ZMYM4: variants seen among roughly 807,000 people sequenced by gnomAD.
The protein encoded by ZMYM4 is zinc finger MYM-type protein 4.
In ZMYM4, 31 loss-of-function variants were observed where a neutral mutation model predicts 183.2. The ratio of observed to expected loss-of-function variants is 0.17; its 90% CI spans 0.13 to 0.23. The LOEUF (loss-of-function observed/expected upper bound fraction) is 0.23, where lower values mean the gene tolerates loss of function less well. Among genes scored for constraint, ZMYM4 ranks in the 10% least tolerant of loss-of-function variants. ZMYM4 has a pLI of 1.00. For missense variants in ZMYM4, 1,273 were observed against 1,840.3 expected (o/e 0.69, Z 5.64); for synonymous variants, 592 against 631.2 (o/e 0.94, Z 0.93).
At chr1:35,383,552 A>G (rs1251948189) in intron 9 of ZMYM4, among the ~76,000 whole-genome samples, 1 of 152,030 alleles carries the variant, frequency 6.6e-6, no homozygotes, top group Non-Finnish European at 1.5e-5. Flanking sequence ...TTTTGTTCTC[A>G]AAGAAAAAAA....
intron 1 of ZMYM4, among the ~76,000 whole-genome samples, chr1:35,313,699 T>G (rs1641910419): frequency 6.6e-6 from 1 of 152,166 alleles, no homozygotes; most frequent in South Asian, 2.1e-4. Context: ...TCTGTCACTT[T>G]TATTTGCAGT....
intron 1 of ZMYM4, among the ~76,000 whole-genome samples, chr1:35,277,057 C>T (rs926292716): frequency 2.6e-5 from 4 of 152,104 alleles, no homozygotes; most frequent in Non-Finnish European, 5.9e-5. Context: ...GTTCCTTTAC[C>T]CCTCATATTT....
At position 35,393,931 on chromosome 1, in the gene ZMYM4, A is replaced by G. The variant is rs545189234; in HGVS notation, c.2911+192A>G. Among the ~76,000 whole-genome samples, 177 of 152,312 alleles carry G rather than the reference A, an allele frequency of 1.2e-3. 1 individual carries two copies. The highest frequency in any genetic ancestry group is 4.1e-3 in the African/African-American group (171 of 41,564). ...TGAGGCTTAACAAGTTGGGTCAAAG[A>G]GAAGGAAGTTAATCAGTGATACCAT... is the stretch of plus-strand genomic sequence containing the variant. On this transcript the variant is annotated intron_variant, in intron 18 of 29. Coordinates refer to ENST00000314607, the MANE Select transcript of ZMYM4 (RefSeq NM_005095.3).
At chr1:35,314,408 C>T (rs1471577668) in intron 1 of ZMYM4, among the ~76,000 whole-genome samples, 1 of 151,878 alleles carries the variant, frequency 6.6e-6, no homozygotes, top group Non-Finnish European at 1.5e-5. Context: ...CCTCAGCCTC[C>T]TGAGTAGCTG....
chr1:35,298,680 G>A (rs576170514), intron 1 of ZMYM4, among the ~76,000 whole-genome samples: 1 of 152,276 alleles, frequency 6.6e-6, no homozygotes, highest in East Asian at 1.9e-4. Context: ...AGAGAACAGT[G>A]TTAACAGGAA....
chr1:35,370,711 T>C (rs1644186065), intron 7 of ZMYM4, 84 bp downstream of exon 7: 4 of 1,178,780 alleles, frequency 3.4e-6, no homozygotes, highest in Middle Eastern at 2.2e-4. Flanking sequence ...TTACATTTGA[T>C]ATTCTACATT....
intron 1 of ZMYM4, chr1:35,309,104 A>G (rs954029549): frequency 1.1e-5 from 10 of 896,574 alleles, no homozygotes; most frequent in Non-Finnish European, 1.3e-5. Context: ...TCCTGACTAA[A>G]TATGGATGCC....
intron 3 of ZMYM4, among the ~76,000 whole-genome samples, chr1:35,360,026 A>G (rs74824454): frequency 0.014 from 2,054 of 151,780 alleles, 50 homozygotes; most frequent in African/African-American, 0.047. Context: ...TATATCACAT[A>G]TTTCCTTCTA....
chr1:35,324,869 C>G (rs970702470), intron 1 of ZMYM4, among the ~76,000 whole-genome samples: 1 of 152,182 alleles, frequency 6.6e-6, no homozygotes, highest in African/African-American at 2.4e-5. Flanking sequence ...CATGGCTCTA[C>G]TTCTGTCTTA....
At chr1:35,386,025 G>T in intron 10 of ZMYM4, 49 bp from the exon 11 acceptor site, 2 of 1,309,068 alleles carry the variant, frequency 1.5e-6, no homozygotes, top group East Asian at 2.4e-5. Context: ...TCATACTTTT[G>T]TGTACATTTG....
chr1:35,387,851 A>G (rs1038842930), intron 13 of ZMYM4, among the ~76,000 whole-genome samples: 3 of 152,204 alleles, frequency 2.0e-5, no homozygotes, highest in Non-Finnish European at 4.4e-5. Flanking sequence ...AAAACATTTA[A>G]CATCCTTAGG....
Position 35,346,081 on chromosome 1 carries a change from A to C in ZMYM4, c.86-12844A>C, listed in dbSNP as rs144820549. Among the ~76,000 whole-genome samples the C allele has an allele frequency of 1.7e-3, 264 of 152,328 alleles. 1 individual carries two copies. The highest frequency in any genetic ancestry group is 1.6e-3 in the Non-Finnish European group (112 of 68,032). ...GATTTTACTTAGCATAATGTCTGCA[A>C]AGTTCATCCATTTTGTAGTATGTGT... On this transcript the variant is annotated intron_variant, in intron 2 of 29. Coordinates refer to ENST00000314607, the MANE Select transcript of ZMYM4 (RefSeq NM_005095.3).
intron 15 of ZMYM4, among the ~76,000 whole-genome samples, chr1:35,391,011 T>C (rs1042371402): frequency 6.6e-6 from 1 of 152,082 alleles, no homozygotes; most frequent in South Asian, 2.1e-4. Context: ...CCCAGCTGGA[T>C]GATATAGTGA....
chr1:35,287,121 TCTC>T (rs1640540804), intron 1 of ZMYM4, among the ~76,000 whole-genome samples: 1 of 152,086 alleles, frequency 6.6e-6, no homozygotes, highest in Non-Finnish European at 1.5e-5. Flanking sequence ...TTCTCATGGT[TCTC>T]CTCTTGAATT....
intron 15 of ZMYM4, 134 bp downstream of exon 15, chr1:35,390,232 T>A: frequency 9.7e-7 from 1 of 1,030,950 alleles, no homozygotes; most frequent in Non-Finnish European, 1.3e-6. Context: ...TCTGTATCAA[T>A]AACATTTAGC....
At chr1:35,371,570 A>G (rs1043302641) in intron 7 of ZMYM4, among the ~76,000 whole-genome samples, 1 of 152,190 alleles carries the variant, frequency 6.6e-6, no homozygotes, top group African/African-American at 2.4e-5. Context: ...TGATTGTTAG[A>G]AACAGTTTAA....
At position 35,381,777 on chromosome 1, in the gene ZMYM4, T is replaced by C; in HGVS notation, c.1569+19T>C. 1 of 1,611,024 alleles carries C rather than the reference T, an allele frequency of 6.2e-7. No individual in the cohort carries two copies. The highest frequency in any genetic ancestry group is 8.5e-7 in the Non-Finnish European group (1 of 1,178,398). On this transcript the variant is annotated intron_variant, in intron 9 of 29. Transcript: ENST00000314607. ...CAAGCAGGTACATGACCATATTTAA[T>C]CTTGATGTCTTTGTTCAGTTCAGGT...
At chr1:35,417,239 A>C (rs868766271) in intron 28 of ZMYM4, among the ~76,000 whole-genome samples, 130 of 136,998 alleles carry the variant, frequency 9.5e-4, no homozygotes, top group African/African-American at 2.6e-3. Context: ...CCTGTCTCCC[A>C]AAAAAAAAAA....
intron 9 of ZMYM4, 33 bp from the exon 10 acceptor site, chr1:35,385,409 T>C: frequency 6.3e-7 from 1 of 1,583,942 alleles, no homozygotes. Context: ...TAGGAATTTG[T>C]TAAAAATGAA....
Sources: gnomAD v4.1 joint callset for allele counts (sites outside exome capture counted in the v4.1 genomes callset) on GRCh38, gnomAD v4.1.1 for gene constraint, MANE v1.5 for transcripts, NCBI Gene and HGNC (gene_info 2026-07-23, HGNC 2026-07-21) for gene names.